Variants in CIB1 observed in about 807,000 individuals in gnomAD.
CIB1 encodes the protein calcium and integrin-binding protein 1.
In CIB1, 19 loss-of-function variants were observed where a neutral mutation model predicts 25.0. The observed-to-expected ratio is 0.76, with a 90% confidence interval of 0.53 to 1.12. The LOEUF (loss-of-function observed/expected upper bound fraction) is 1.12. CIB1 is among the 50% of genes most tolerant of loss of function. The pLI, the probability that CIB1 is intolerant of heterozygous loss-of-function variation, is 0.00. For synonymous variants in CIB1, 104 were observed against 98.5 expected (o/e 1.06, Z -0.33); for missense variants, 236 against 242.6 (o/e 0.97, Z 0.18).
At chr15:90,264,136 AAATAT>A in the CIB1 span, 10 of 849,228 alleles carry the variant, frequency 1.2e-5, no homozygotes, top group Admixed American at 2.4e-5. Context: ...GATGCCCCTA[AAATAT>A]AATATGGCAC....
the CIB1 span, chr15:90,241,217 T>A: frequency 6.2e-7 from 1 of 1,614,086 alleles, no homozygotes; most frequent in Non-Finnish European, 8.5e-7. Flanking sequence ...TGGAGCGTGG[T>A]GTGCAGAGGA....
At chr15:90,253,807 G>A in the CIB1 span, among the ~76,000 whole-genome samples, 9 of 152,332 alleles carry the variant, frequency 5.9e-5, no homozygotes, top group Middle Eastern at 6.8e-3. Context: ...ATGATCCACC[G>A]GGGTCCACAA....
chr15:90,258,191 T>C, the CIB1 span: 253 of 1,614,282 alleles, frequency 1.6e-4, 3 homozygotes, highest in African/African-American at 3.1e-3. Context: ...AGTATCTGAA[T>C]GGAGGTACAT....
chr15:90,259,745 AG>A, the CIB1 span, among the ~76,000 whole-genome samples: 1 of 152,272 alleles, frequency 6.6e-6, no homozygotes, highest in African/African-American at 2.4e-5. Flanking sequence ...TTTGTCATAA[AG>A]AAACACAGAA....
At chr15:90,253,230 G>C in the CIB1 span, 1 of 1,605,844 alleles carries the variant, frequency 6.2e-7, no homozygotes, top group Non-Finnish European at 8.5e-7. Flanking sequence ...TGGCACTACT[G>C]ATCTCCCTGT....
At chr15:90,237,283 CTTTTTT>C (rs35595704), upstream of CIB1, among the ~76,000 whole-genome samples, 1 of 113,244 alleles carries the variant, frequency 8.8e-6, no homozygotes, top group Non-Finnish European at 1.7e-5. Context: ...CTTTTTTTCC[CTTTTTT>C]TTTTTTTTTT....
chr15:90,237,652 C>T (rs1240574445), upstream of CIB1, among the ~76,000 whole-genome samples: 1 of 152,108 alleles, frequency 6.6e-6, no homozygotes, highest in African/African-American at 2.4e-5. Flanking sequence ...CCCAAATGTG[C>T]TTGTTGGCCA....
At chr15:90,259,237 A>T in the CIB1 span, 1 of 380,516 alleles carries the variant, frequency 2.6e-6, no homozygotes, top group South Asian at 2.4e-5. Flanking sequence ...ATTAAAAAAT[A>T]AAAAATTAGC....
chr15:90,262,060 G>A, the CIB1 span: 1 of 1,535,992 alleles, frequency 6.5e-7, no homozygotes, highest in South Asian at 1.2e-5. Flanking sequence ...AACGATATGA[G>A]GATTCTCACC....
chr15:90,261,358 C>T, the CIB1 span, among the ~76,000 whole-genome samples: 6 of 148,698 alleles, frequency 4.0e-5, no homozygotes, highest in Non-Finnish European at 8.9e-5. Context: ...GCATTACAGG[C>T]GTGAGCCACC....
the CIB1 span, chr15:90,265,144 T>G: frequency 8.2e-7 from 1 of 1,220,014 alleles, no homozygotes; most frequent in Non-Finnish European, 1.1e-6. Flanking sequence ...TACCCTAAGA[T>G]TAATTGGGGA....
At chr15:90,250,634 G>C in the CIB1 span, 7 of 1,612,588 alleles carry the variant, frequency 4.3e-6, no homozygotes, top group Admixed American at 3.3e-5. Context: ...TGAGAGAATG[G>C]AGCCGAGTAC....
At chr15:90,263,202 G>A in the CIB1 span, 17 of 1,432,658 alleles carry the variant, frequency 1.2e-5, no homozygotes, top group African/African-American at 2.3e-4. Context: ...GTCATTCCAG[G>A]ACATGGTGTT....
the CIB1 span, chr15:90,263,080 G>T: frequency 1.3e-6 from 2 of 1,536,130 alleles, no homozygotes; most frequent in Non-Finnish European, 1.7e-6. Context: ...CCTGGGTATT[G>T]TAGAGCAGCT....
the CIB1 span, among the ~76,000 whole-genome samples, chr15:90,256,593 C>T: frequency 7.7e-5 from 3 of 39,056 alleles, no homozygotes; most frequent in African/African-American, 1.0e-4. Flanking sequence ...TTCTTTCTTT[C>T]TTTCTTTCTT....
the CIB1 span, chr15:90,265,132 A>G: frequency 1.6e-6 from 2 of 1,242,898 alleles, no homozygotes; most frequent in South Asian, 1.6e-5. Flanking sequence ...AGAATTCCTC[A>G]ATACCCTAAG....
chr15:90,234,964 C>T (rs1287176709), upstream of CIB1, among the ~76,000 whole-genome samples: 1 of 152,172 alleles, frequency 6.6e-6, no homozygotes, highest in Non-Finnish European at 1.5e-5. Context: ...ATTCTTGATC[C>T]TTCCAATCCA....
At position 90,231,358 on chromosome 15, in the gene CIB1, A is replaced by G; in HGVS notation, c.345T>C (p.Phe115=). 6.2e-7 allele frequency: 1 copy of G among 1,613,874 alleles called. No individual in the cohort carries two copies. Among genetic ancestry groups the G allele is most frequent in the South Asian group, 1.1e-5 (1 of 91,074 alleles). Residue 115 remains phenylalanine (F), a splice_region_variant and synonymous_variant, in exon 4 of 7, where the codon TTT becomes TTC. Transcript: ENST00000328649. The part of the protein sequence containing the change: ...DIKSHYAFRI[F]DFDDDGTLNR... ...TGCCGGGCTGCTCCTGGTTCTCACC[A>G]AAGATGCGGAAGGCATAATGGGACT...
chr15:90,257,131 C>T, the CIB1 span: 2 of 1,612,034 alleles, frequency 1.2e-6, no homozygotes, highest in Non-Finnish European at 1.7e-6. Context: ...GGTTTGCATG[C>T]TCCCAGCCCC....
Sources: allele counts gnomAD v4.1 joint callset (sites outside exome capture counted in the v4.1 genomes callset), GRCh38; gene constraint gnomAD v4.1.1; transcripts MANE v1.5; gene names NCBI Gene and HGNC (gene_info 2026-07-23, HGNC 2026-07-21).